The following VPS13B variants were observed in gnomAD, a reference collection of about 807,000 sequenced individuals.
VPS13B encodes the protein intermembrane lipid transfer protein VPS13B.
In VPS13B, 285 loss-of-function variants were observed where a neutral mutation model predicts 426.4. The observed-to-expected ratio is 0.67, with a 90% CI of 0.61 to 0.74. The LOEUF (loss-of-function observed/expected upper bound fraction) is 0.74, where lower values mean the gene tolerates loss of function less well. Ranked by LOEUF, VPS13B falls within the 30% of genes least tolerant of loss-of-function variation. VPS13B has a pLI of 0.00. For synonymous variants in VPS13B, 1,676 were observed against 1,676.4 expected, an observed-to-expected ratio of 1.00 and a Z score of 0.01; for missense variants, 4,537 against 4,782.6, an observed-to-expected ratio of 0.95 and a Z score of 1.51.
At chr8:99,539,399 G>A (rs1823435443) in intron 30 of VPS13B, among the ~76,000 whole-genome samples, 1 of 152,104 alleles carries the variant, frequency 6.6e-6, no homozygotes, top group Non-Finnish European at 1.5e-5. Context: ...ATTTATTAAT[G>A]TCCACAAAAT....
At chr8:99,754,693 T>C (rs1423433296) in intron 39 of VPS13B, among the ~76,000 whole-genome samples, 1 of 152,216 alleles carries the variant, frequency 6.6e-6, no homozygotes, top group African/African-American at 2.4e-5. Flanking sequence ...GTCTACTAAT[T>C]TTCTAGTACT....
chr8:99,488,593 A>C (rs909612610), intron 25 of VPS13B, among the ~76,000 whole-genome samples: 3 of 152,158 alleles, frequency 2.0e-5, no homozygotes, highest in Non-Finnish European at 4.4e-5. Context: ...ATTTTCGAAA[A>C]AGATTGTCAG....
At chr8:99,047,034 G>A (rs919091153) in intron 3 of VPS13B, among the ~76,000 whole-genome samples, 2 of 151,996 alleles carry the variant, frequency 1.3e-5, no homozygotes, top group East Asian at 3.9e-4. Flanking sequence ...GGGTGATATC[G>A]GTTTCATAGA....
intron 17 of VPS13B, among the ~76,000 whole-genome samples, chr8:99,225,280 CTTT>C (rs369347939): frequency 6.7e-6 from 1 of 148,320 alleles, no homozygotes; most frequent in Non-Finnish European, 1.5e-5. Context: ...CTTTTCTTTT[CTTT>C]TTTTTTTGTT....
chr8:99,311,288 C>A (rs1166156243), intron 19 of VPS13B, among the ~76,000 whole-genome samples: 1 of 152,182 alleles, frequency 6.6e-6, no homozygotes, highest in Non-Finnish European at 1.5e-5. Flanking sequence ...ATCTTTCCTG[C>A]TTTCTCTTGT....
At chr8:99,054,501 C>T (rs1028977984) in intron 3 of VPS13B, among the ~76,000 whole-genome samples, 1 of 152,196 alleles carries the variant, frequency 6.6e-6, no homozygotes, top group African/African-American at 2.4e-5. Context: ...TTCATCCATT[C>T]TGTAGGTTGT....
intron 61 of VPS13B, 114 bp from the exon 62 acceptor site, chr8:99,875,304 T>TAATA: frequency 7.0e-7 from 1 of 1,422,026 alleles, no homozygotes; most frequent in Non-Finnish European, 9.8e-7. Flanking sequence ...TTAATGGCTT[T>TAATA]AATAGATGAC....
intron 26 of VPS13B, 131 bp downstream of exon 26, chr8:99,501,989 C>CT: frequency 1.8e-6 from 2 of 1,138,054 alleles, no homozygotes; most frequent in Non-Finnish European, 2.5e-6. Context: ...GTCTGTCTGT[C>CT]TGTCTTTCCT....
intron 37 of VPS13B, among the ~76,000 whole-genome samples, chr8:99,718,151 C>G (rs559269650): frequency 6.6e-6 from 1 of 152,072 alleles, no homozygotes; most frequent in South Asian, 2.1e-4. Flanking sequence ...ACAATAATAG[C>G]TCACTGTAGC....
intron 24 of VPS13B, among the ~76,000 whole-genome samples, chr8:99,470,720 G>GAAAA (rs35794375): frequency 1.4e-5 from 2 of 140,076 alleles, no homozygotes; most frequent in Admixed American, 7.1e-5. Context: ...GATTGGGATA[G>GAAAA]AAAAAAAAAA....
rs778655406 is a variant in VPS13B, at chr8:99,642,119, A to G, written c.5529A>G (p.Glu1843=). 1 of 1,614,170 alleles carries G rather than the reference A, an allele frequency of 6.2e-7. No homozygotes were observed. The stretch of plus-strand genomic sequence containing the variant: ...AATCACAAGAACAGAAGAATAATGA[A>G]AAAACAGACAAGAGTTCATTAAATC... The part of the protein sequence containing the change: ...KSKSQEQKNN[E]KTDKSSLNLP... Residue 1843 remains glutamate, a synonymous_variant, in exon 34 of 62, where the codon GAA becomes GAG. Coordinates refer to ENST00000357162, the MANE Select transcript of VPS13B (RefSeq NM_152564.5).
At chr8:99,236,729 C>A (rs996697647) in intron 17 of VPS13B, among the ~76,000 whole-genome samples, 1 of 152,040 alleles carries the variant, frequency 6.6e-6, no homozygotes, top group African/African-American at 2.4e-5. Flanking sequence ...TTACATTCAC[C>A]CTATAAAATC....
chr8:99,416,733 C>T (rs143344270), intron 21 of VPS13B, among the ~76,000 whole-genome samples: 3,248 of 152,218 alleles, frequency 0.021, 50 homozygotes, highest in Middle Eastern at 0.071. Flanking sequence ...TCGGCTCACC[C>T]TCCCTGGGCT....
At chr8:99,400,240 T>C (rs531176552) in intron 21 of VPS13B, among the ~76,000 whole-genome samples, 1 of 152,324 alleles carries the variant, frequency 6.6e-6, no homozygotes, top group South Asian at 2.1e-4. Flanking sequence ...TTGAACATGC[T>C]GGCCCAAACT....
At chr8:99,188,922 C>T (rs958961899) in intron 16 of VPS13B, among the ~76,000 whole-genome samples, 1 of 152,074 alleles carries the variant, frequency 6.6e-6, no homozygotes, top group Non-Finnish European at 1.5e-5. Flanking sequence ...GGCTGTGTAT[C>T]TTGTTCTTGT....
chr8:99,181,322 A>G (rs1812935638), intron 16 of VPS13B, among the ~76,000 whole-genome samples: 1 of 152,198 alleles, frequency 6.6e-6, no homozygotes, highest in African/African-American at 2.4e-5. Flanking sequence ...AACAAAAAAT[A>G]TGCTTGCACA....
chr8:99,218,256 G>A (rs1815494969), intron 17 of VPS13B, among the ~76,000 whole-genome samples: 1 of 152,136 alleles, frequency 6.6e-6, no homozygotes, highest in African/African-American at 2.4e-5. Context: ...AAGAAGAAAT[G>A]TGAGTCCATA....
At chr8:99,657,615 CGTT>C (rs977469185) in intron 34 of VPS13B, among the ~76,000 whole-genome samples, 2 of 151,934 alleles carry the variant, frequency 1.3e-5, no homozygotes, top group African/African-American at 4.8e-5. Context: ...ACACCATTCT[CGTT>C]ATCAGTAGCA....
At chr8:99,653,907 C>CT (rs1392541082) in intron 34 of VPS13B, among the ~76,000 whole-genome samples, 1 of 152,010 alleles carries the variant, frequency 6.6e-6, no homozygotes, top group Admixed American at 6.6e-5. Flanking sequence ...TGAAATACTG[C>CT]TTATAGAGTT....
Sources: gnomAD v4.1 joint callset for allele counts (sites outside exome capture counted in the v4.1 genomes callset) on GRCh38, gnomAD v4.1.1 for gene constraint, MANE v1.5 for transcripts, NCBI Gene and HGNC (gene_info 2026-07-23, HGNC 2026-07-21) for gene names.